OR1S1: variants seen among roughly 807,000 people sequenced by gnomAD.
OR1S1 encodes the protein olfactory receptor 1S1.
For synonymous variants in OR1S1, 156 were observed against 143.9 expected, an observed-to-expected ratio of 1.08 and a Z score of -0.60; for missense variants, 411 against 367.5, an observed-to-expected ratio of 1.12 and a Z score of -0.97.
At position 58,215,133 on chromosome 11, in the gene OR1S1, C is replaced by A. The variant is rs779561462; in HGVS notation, c.350C>A (p.Thr117Asn). The A allele has an allele frequency of 1.1e-5, 17 of 1,614,118 alleles. No individual in the cohort carries two copies. In the South Asian group the frequency reaches 1.9e-4, roughly 18 times the overall value. Reference sequence around the variant, plus strand: ...GTCATTGACAATTTGCTCTTGGGGACCATGGCCTATGACCACTTTGTGGCG... The same window carrying A: ...GTCATTGACAATTTGCTCTTGGGGAACATGGCCTATGACCACTTTGTGGCG... The change falls in exon 2 of 2, where the codon ACC becomes AAC. Residue 117 changes from threonine to asparagine, a missense_variant. Coordinates refer to ENST00000641544, the Ensembl canonical transcript of OR1S1.
chr11:58,214,652 A>C (rs1222077492), intron 1 of OR1S1, 77 bp from the exon 2 acceptor site: 1 of 1,074,240 alleles, frequency 9.3e-7, no homozygotes, highest in Non-Finnish European at 1.4e-6. Flanking sequence ...ATTAAGTAGC[A>C]CTTCCACTTA....
exon 2 of OR1S1, chr11:58,215,263 C>T: frequency 6.2e-7 from 1 of 1,613,674 alleles, no homozygotes; most frequent in South Asian, 1.1e-5. Context: ...TGACACACAC[C>T]CTTCTGCTCA....
chr11:58,215,722 A>G (rs7103033), exon 2 of OR1S1: 560,457 of 1,608,956 alleles, frequency 0.35, 103,191 homozygotes, highest in East Asian at 0.73. Flanking sequence ...CTTCCCTTTG[A>G]TGCCCTGGAC....
Position 58,215,367 on chromosome 11 carries a change from A to G in OR1S1, c.584A>G (p.Asn195Ser). Residue 195 changes from asparagine to serine, a missense_variant, in exon 2 of 2, where the codon AAT becomes AGT. Asn to Ser is a conservative substitution (Grantham distance 46). Transcript: ENST00000641544. ...CTGTCCTGTTCAGATACATTGATCA[A>G]TGAGCTTGTGTTGTTTATTGTGGGT... The G allele has an allele frequency of 6.2e-7, 1 of 1,613,824 alleles. No individual in the cohort carries two copies. The highest frequency in any genetic ancestry group is 2.2e-5 in the East Asian group (1 of 44,848).
intron 1 of OR1S1, among the ~76,000 whole-genome samples, chr11:58,213,266 C>T (rs778568335): frequency 6.6e-6 from 1 of 152,128 alleles, no homozygotes. Flanking sequence ...ATATTATTTC[C>T]AATAAATCAC....
exon 2 of OR1S1, chr11:58,215,131 G>T (rs1309739250): frequency 6.2e-7 from 1 of 1,614,108 alleles, no homozygotes; most frequent in Admixed American, 1.7e-5. Flanking sequence ...TGCTCTTGGG[G>T]ACCATGGCCT....
At position 58,214,716 on chromosome 11, in the gene OR1S1, G is replaced by T. The variant is rs771725705; in HGVS notation, c.-55-13G>T. On this transcript the variant is annotated splice_polypyrimidine_tract_variant and intron_variant, in intron 1 of 1. Transcript: ENST00000641544. ...CTTACTGCAATGGCTGCAGCCAAAT[G>T]ATACCATGTTAGGTTTTCTTGTAGG... 2 of 1,600,920 alleles carry T rather than the reference G, an allele frequency of 1.2e-6. No individual in the cohort carries two copies. The highest frequency in any genetic ancestry group is 2.2e-5 in the East Asian group (1 of 44,740).
intron 1 of OR1S1, among the ~76,000 whole-genome samples, 155 bp from the exon 2 acceptor site, chr11:58,214,574 A>C (rs965993376): frequency 8.5e-5 from 13 of 152,302 alleles, no homozygotes; most frequent in Admixed American, 2.6e-4. Context: ...TTTTTTGAGA[A>C]GTTTCGGCCA....
exon 2 of OR1S1, chr11:58,215,147 C>T (rs569766890): frequency 3.5e-5 from 56 of 1,614,118 alleles, no homozygotes; most frequent in South Asian, 8.8e-5. Context: ...GGCCTATGAC[C>T]ACTTTGTGGC....
chr11:58,215,051 C>T lies in OR1S1; in HGVS notation c.268C>T (p.Gln90Ter), dbSNP rs752649370. 1 of 1,614,146 alleles carries T rather than the reference C, an allele frequency of 6.2e-7. No homozygotes were observed. Among genetic ancestry groups the T allele is most frequent in the South Asian group, 1.1e-5 (1 of 91,078 alleles). Residue 90 changes from glutamine to a stop codon, truncating the protein, a stop_gained, in exon 2 of 2, where the codon CAA (glutamine) becomes TAA (stop). Coordinates refer to ENST00000641544, the Ensembl canonical transcript of OR1S1. LOFTEE classifies it low-confidence loss of function (END_TRUNC). ...GCTGGTGAATATTCAAACCAAGAGT[C>T]AATCCATCTCTTATGAGAGCTGCAT... is the stretch of plus-strand genomic sequence containing the variant.
chr11:58,214,977 A>G (rs765566352), exon 2 of OR1S1: 12 of 1,614,008 alleles, frequency 7.4e-6, no homozygotes, highest in South Asian at 2.2e-5. Context: ...TTCCTTGCCA[A>G]TCTATCCTTT....
Position 58,215,358 on chromosome 11 carries a change from C to A in OR1S1, c.575C>A (p.Thr192Lys), listed in dbSNP as rs577046957. The change falls in exon 2 of 2, where the codon ACA becomes AAA. Residue 192 changes from threonine (T) to lysine (K), a missense_variant. Transcript: ENST00000641544. ...CTGCTCAAACTGTCCTGTTCAGATA[C>A]ATTGATCAATGAGCTTGTGTTGTTT... 70 of 1,613,702 alleles carry A rather than the reference C, an allele frequency of 4.3e-5. 1 individual carries two copies. The South Asian group carries it at 7.4e-4, about 17-fold the overall frequency.
chr11:58,213,730 C>T (rs1050532219), intron 1 of OR1S1, among the ~76,000 whole-genome samples: 1 of 152,182 alleles, frequency 6.6e-6, no homozygotes, highest in Non-Finnish European at 1.5e-5. Context: ...ATGTGGCAGG[C>T]CTGGTGTCTC....
At chr11:58,214,624 C>T (rs754364168) in intron 1 of OR1S1, 105 bp from the exon 2 acceptor site, 64 of 843,156 alleles carry the variant, frequency 7.6e-5, no homozygotes, top group Non-Finnish European at 1.2e-4. Context: ...AATCTCTGCA[C>T]TGCTGAAATA....
At chr11:58,215,521 A>G (rs768423619) in exon 2 of OR1S1, 1 of 1,613,978 alleles carries the variant, frequency 6.2e-7, no homozygotes, top group African/African-American at 1.3e-5. Context: ...CTCACCTGAC[A>G]GTTGTATTAC....
intron 1 of OR1S1, among the ~76,000 whole-genome samples, chr11:58,213,540 C>A (rs149565610): frequency 2.0e-5 from 3 of 152,180 alleles, no homozygotes; most frequent in African/African-American, 7.2e-5. Flanking sequence ...ATGTTCTTCC[C>A]TTGCTCTTTG....
chr11:58,212,827 C>A (rs528531398), exon 1 of OR1S1: 3 of 152,406 alleles, frequency 2.0e-5, no homozygotes, highest in African/African-American at 7.2e-5. Context: ...ACAATTTGTG[C>A]AGGACTACTG....
At chr11:58,216,012 G>A in exon 2 of OR1S1, 1 of 382,410 alleles carries the variant, frequency 2.6e-6, no homozygotes, top group East Asian at 4.4e-5. Flanking sequence ...GTTGATTAAT[G>A]GGTACAACAA....
At chr11:58,214,773 T>C (rs1852899502) in exon 2 of OR1S1, 1 of 1,613,800 alleles carries the variant, frequency 6.2e-7, no homozygotes, top group South Asian at 1.1e-5. Flanking sequence ...TTTCTTCAGA[T>C]CGGCAGAAAT....
Sources: allele counts gnomAD v4.1 joint callset (sites outside exome capture counted in the v4.1 genomes callset), GRCh38; gene constraint gnomAD v4.1.1; transcripts MANE v1.5; gene names NCBI Gene and HGNC (gene_info 2026-07-23, HGNC 2026-07-21).